VPS8: variants seen among roughly 807,000 people sequenced by gnomAD.
VPS8 encodes the protein VPS8 subunit of CORVET complex.
Under a neutral mutation model 216.4 loss-of-function variants are expected in VPS8, and 129 were observed. The ratio of observed to expected loss-of-function variants is 0.60; its 90% confidence interval spans 0.52 to 0.69. The LOEUF is 0.69. Ranked by LOEUF, VPS8 falls within the 30% of genes least tolerant of loss-of-function variation. The pLI is 0.00. For missense variants in VPS8, 1,531 were observed against 1,683.5 expected (o/e 0.91, Z 1.59); for synonymous variants, 571 against 565.4 (o/e 1.01, Z -0.14).
At chr3:184,868,733 A>G (rs1336318737) in intron 18 of VPS8, among the ~76,000 whole-genome samples, 1 of 152,260 alleles carries the variant, frequency 6.6e-6, no homozygotes, top group Non-Finnish European at 1.5e-5. Flanking sequence ...TTTCATATTT[A>G]GGCCCCGTGG....
intron 19 of VPS8, 149 bp downstream of exon 19, chr3:184,869,185 A>G (rs1239320926): frequency 2.6e-6 from 2 of 764,794 alleles, no homozygotes; most frequent in Non-Finnish European, 4.2e-6. Context: ...TTCAGTTAAG[A>G]AGGTTAATGT....
chr3:184,950,876 G>A (rs997333015), intron 36 of VPS8, among the ~76,000 whole-genome samples: 2 of 152,118 alleles, frequency 1.3e-5, no homozygotes, highest in Admixed American at 6.5e-5. Flanking sequence ...CTTCATCCAT[G>A]TCCCTGCAAA....
At chr3:185,032,910 G>A (rs990659772) in intron 46 of VPS8, among the ~76,000 whole-genome samples, 2 of 152,114 alleles carry the variant, frequency 1.3e-5, no homozygotes, top group East Asian at 1.9e-4. Flanking sequence ...CTCGTGATCC[G>A]CCTGCCTGGG....
intron 24 of VPS8, among the ~76,000 whole-genome samples, chr3:184,899,018 A>G (rs987852339): frequency 3.9e-5 from 6 of 152,202 alleles, no homozygotes; most frequent in African/African-American, 1.2e-4. Context: ...TATATAATCA[A>G]TGTACTATTG....
chr3:184,996,511 G>A lies in VPS8; in HGVS notation c.3836+10G>A. The A allele has an allele frequency of 6.3e-7, 1 of 1,596,792 alleles. No individual in the cohort carries two copies. Among genetic ancestry groups the A allele is most frequent in the Non-Finnish European group, 8.5e-7 (1 of 1,171,222 alleles). On this transcript the variant is annotated intron_variant, in intron 44 of 47. Coordinates refer to ENST00000625842, the MANE Select transcript of VPS8 (RefSeq NM_001009921.3). ...AAATAATTGTCTTTAGGTAAGAAAG[G>A]GAAGGAAATGTTACATGTATGGTAC...
intron 28 of VPS8, among the ~76,000 whole-genome samples, chr3:184,918,395 T>A (rs1334000980): frequency 6.6e-6 from 1 of 152,250 alleles, no homozygotes; most frequent in Admixed American, 6.5e-5. Context: ...CTTCAGAAAC[T>A]GTAATTCTCC....
intron 34 of VPS8, among the ~76,000 whole-genome samples, chr3:184,933,874 G>A (rs150674887): frequency 6.8e-4 from 103 of 152,162 alleles, no homozygotes; most frequent in African/African-American, 2.3e-3. Context: ...ATTTAATATT[G>A]TTGCTGTATA....
At chr3:184,942,875 A>G (rs1028618908) in intron 36 of VPS8, among the ~76,000 whole-genome samples, 4 of 152,244 alleles carry the variant, frequency 2.6e-5, no homozygotes, top group Non-Finnish European at 4.4e-5. Flanking sequence ...TACTAGTAAC[A>G]TATTGAGTTC....
chr3:185,038,447 C>G (rs1485360153), intron 46 of VPS8, among the ~76,000 whole-genome samples: 2 of 152,224 alleles, frequency 1.3e-5, no homozygotes, highest in Non-Finnish European at 2.9e-5. Flanking sequence ...CTTCTGACCT[C>G]ACAAGGTCTC....
rs1392864167 is a variant in VPS8 at position 185,052,576 on chromosome 3, C to T, written c.*551C>T. 6.6e-6 allele frequency: 1 copy of T among 152,028 alleles called. No homozygotes were observed. Among genetic ancestry groups the T allele is most frequent in the East Asian group, 1.9e-4 (1 of 5,132 alleles). 9.4% of individuals were successfully genotyped at this position (152,028 alleles called of 1,614,324 possible). A position where few individuals can be genotyped will look rare whatever the true frequency, so the allele number is the denominator to read the frequency against. On this transcript the variant is annotated 3_prime_UTR_variant, in exon 48 of 48. Transcript: ENST00000625842. ...TATTTGAGTGTAAGACTTGCCCTTTCTAACAATAAATGCTCCGTGTTTAAG... is the reference window on the plus strand; with the variant it reads ...TATTTGAGTGTAAGACTTGCCCTTTTTAACAATAAATGCTCCGTGTTTAAG...
At chr3:185,002,941 T>A (rs1449743116) in intron 45 of VPS8, among the ~76,000 whole-genome samples, 2 of 152,122 alleles carry the variant, frequency 1.3e-5, no homozygotes, top group Non-Finnish European at 2.9e-5. Context: ...ATATAATGAC[T>A]TATTTTCCTT....
At chr3:184,941,891 G>A (rs4234601) in intron 36 of VPS8, among the ~76,000 whole-genome samples, 151,788 of 152,170 alleles carry the variant, frequency 1, 75,705 homozygotes, top group Non-Finnish European at 1. Flanking sequence ...TGGTGACCAA[G>A]TATATTTTTT....
intron 45 of VPS8, among the ~76,000 whole-genome samples, chr3:185,018,160 T>C (rs1184490915): frequency 6.6e-6 from 1 of 152,180 alleles, no homozygotes; most frequent in Non-Finnish European, 1.5e-5. Flanking sequence ...ATCAACTAAA[T>C]GTGCTTTCCC....
chr3:184,955,854 A>G (rs1259730820), intron 36 of VPS8, among the ~76,000 whole-genome samples: 2 of 152,074 alleles, frequency 1.3e-5, no homozygotes, highest in South Asian at 2.1e-4. Context: ...GTGGTTGGGG[A>G]CACACATACT....
At chr3:184,934,762 C>T (rs547363914) in intron 34 of VPS8, among the ~76,000 whole-genome samples, 74 of 152,224 alleles carry the variant, frequency 4.9e-4, no homozygotes, top group African/African-American at 1.3e-3. Context: ...TGCTGAATTT[C>T]ATTTTTATTT....
intron 21 of VPS8, chr3:184,882,485 G>T: frequency 2.4e-6 from 1 of 413,012 alleles, no homozygotes; most frequent in Non-Finnish European, 4.8e-6. Context: ...ATTTTGTGAA[G>T]GACTTTTACA....
At chr3:184,887,943 G>A (rs1287086818) in intron 22 of VPS8, among the ~76,000 whole-genome samples, 2 of 151,570 alleles carry the variant, frequency 1.3e-5, no homozygotes. Context: ...TACGTAATTA[G>A]CAAAACACAT....
chr3:184,860,253 A>G (rs1443620927), intron 15 of VPS8, among the ~76,000 whole-genome samples, 188 bp downstream of exon 15: 1 of 151,916 alleles, frequency 6.6e-6, no homozygotes, highest in African/African-American at 2.4e-5. Context: ...GGGATAGCTT[A>G]AGCCCAGGAG....
chr3:184,884,550 A>G lies in VPS8; in HGVS notation c.1735-1560A>G, dbSNP rs150144984. 1.4e-4 allele frequency among the ~76,000 whole-genome samples: 21 copies of G among 152,312 alleles called. No individual in the cohort carries two copies. The East Asian group carries it at 3.9e-3, about 28-fold the overall frequency. ...TCTTGATTACAGATTCTTGGTGAGT[A>G]TAAATTTACCCCCTCTGAGCCCAGG... is the stretch of plus-strand genomic sequence containing the variant. On this transcript the variant is annotated intron_variant, in intron 21 of 47. Coordinates refer to ENST00000625842, the MANE Select transcript of VPS8 (RefSeq NM_001009921.3).
Sources: allele counts gnomAD v4.1 joint callset (sites outside exome capture counted in the v4.1 genomes callset), GRCh38; gene constraint gnomAD v4.1.1; transcripts MANE v1.5; gene names NCBI Gene and HGNC (gene_info 2026-07-23, HGNC 2026-07-21).